Variants in SPEN observed in about 807,000 individuals in gnomAD.
The protein encoded by SPEN is msx2-interacting protein.
SPEN carries 18 observed loss-of-function variants against 269.9 expected under a neutral mutation model. The ratio of observed to expected loss-of-function variants is 0.07; its 90% confidence interval spans 0.05 to 0.10. The LOEUF (loss-of-function observed/expected upper bound fraction) is 0.10, where lower values mean the gene tolerates loss of function less well. Ranked by LOEUF, SPEN falls within the 10% of genes least tolerant of loss-of-function variation. The pLI is 1.00. For missense variants in SPEN, 3,822 were observed against 4,631.2 expected, an observed-to-expected ratio of 0.83 and a Z score of 5.07; for synonymous variants, 1,726 against 1,765.7, an observed-to-expected ratio of 0.98 and a Z score of 0.56.
At position 15,935,147 on chromosome 1, in the gene SPEN, G is replaced by GACCA. The variant is rs1257235190; in HGVS notation, c.8909_8912dup (p.Lys2971AsnfsTer214). 1 of 1,613,912 alleles carries GACCA rather than the reference G, an allele frequency of 6.2e-7. No individual in the cohort carries two copies. The highest frequency in any genetic ancestry group is 1.7e-5 in the Admixed American group (1 of 60,004). On this transcript the variant is annotated frameshift_variant, in exon 11 of 15. Transcript: ENST00000375759. LOFTEE classifies it high-confidence loss of function. This position sits in a 1 kb window ranked among gnomAD's most constrained non-coding sequence, Gnocchi z 7.7. Reference sequence around the variant, plus strand: ...CTGACCCCGTCACCCTTAAAATCGAGACCAAGGTCCTTCAGCCGGCCAACC... The same window carrying GACCA: ...CTGACCCCGTCACCCTTAAAATCGAGACCAACCAAGGTCCTTCAGCCGGCCAACC...
chr1:15,872,918 T>G lies in SPEN; in HGVS notation c.186T>G (p.Ala62=). 6.2e-7 allele frequency: 1 copy of G among 1,604,350 alleles called. No individual in the cohort carries two copies. The change falls in exon 2 of 15, where the codon GCT becomes GCG. Residue 62 remains alanine (A), a synonymous_variant. Coordinates refer to ENST00000375759, the MANE Select transcript of SPEN (RefSeq NM_015001.3). ...TGGACATCAAAAGTGCACAGAAAGC[T>G]CACAACTCGGTCAACAAAATGGGTG... ...DFVDIKSAQK[A]HNSVNKMGDR... is the part of the protein sequence containing the mutation.
intron 2 of SPEN, among the ~76,000 whole-genome samples, chr1:15,875,765 G>A (rs1324100515): frequency 6.6e-6 from 1 of 152,160 alleles, no homozygotes; most frequent in African/African-American, 2.4e-5. Flanking sequence ...TCATGTCTAA[G>A]TTAAAACATA....
intron 3 of SPEN, among the ~76,000 whole-genome samples, chr1:15,889,155 T>C (rs1183391933): frequency 9.1e-6 from 1 of 109,606 alleles, no homozygotes; most frequent in East Asian, 2.1e-4. Context: ...TCTTTCTTTC[T>C]TTTCTTTTCT....
Position 15,848,190 on chromosome 1 carries a change from G to T in SPEN, c.83+40G>T. ...GCCCGCGGCCGCGCTCGCTCCTCGGGCGCCGCTTCCCGCCCCGGCCCGTTG... is the reference window on the plus strand; with the variant it reads ...GCCCGCGGCCGCGCTCGCTCCTCGGTCGCCGCTTCCCGCCCCGGCCCGTTG... On this transcript the variant is annotated intron_variant, in intron 1 of 14. Transcript: ENST00000375759. The surrounding 1 kb of genome is among the most constrained non-coding windows in gnomAD (Gnocchi z 5.1). 7.2e-7 allele frequency: 1 copy of T among 1,392,938 alleles called. No homozygotes were observed. Among genetic ancestry groups the T allele is most frequent in the South Asian group, 1.4e-5 (1 of 72,202 alleles). 86.3% of individuals were successfully genotyped at this position (1,392,938 alleles called of 1,614,324 possible). A position where few individuals can be genotyped will look rare whatever the true frequency, so the allele number is the denominator to read the frequency against.
rs58417701 is a variant in SPEN, at chr1:15,883,516, G to A, written c.881+6838G>A. 7.2e-3 allele frequency among the ~76,000 whole-genome samples: 1,089 copies of A among 151,774 alleles called. 24 individuals are homozygous for A. The highest frequency in any genetic ancestry group is 0.025 in the African/African-American group (1,033 of 41,352). ...GCCTCACTGCAACCTCCACCTCCCG[G>A]GTGGAGCAACTCTCACGCCTCAGCC... On this transcript the variant is annotated intron_variant, in intron 3 of 14. Transcript: ENST00000375759.
intron 3 of SPEN, among the ~76,000 whole-genome samples, chr1:15,899,507 T>C (rs1355646139): frequency 1.4e-5 from 2 of 147,798 alleles, no homozygotes; most frequent in Non-Finnish European, 3.0e-5. Context: ...GCCATCCTAG[T>C]GGGTGTGAAG....
rs570554300 is a variant in SPEN, at chr1:15,932,306, C to T, written c.6066C>T (p.Gly2022=). Residue 2022 remains glycine, a synonymous_variant, in exon 11 of 15, where the codon GGC becomes GGT. Transcript: ENST00000375759. This position sits in a 1 kb window ranked among gnomAD's most constrained non-coding sequence, Gnocchi z 4.2. ...EATTEVGPQI[G]VKESSMEPKA... ...CCACTGAGGTGGGCCCCCAAATAGG[C>T]GTGAAAGAGAGCTCCATGGAACCCA... 34 of 1,609,134 alleles carry T rather than the reference C, an allele frequency of 2.1e-5. No individual in the cohort carries two copies. The highest frequency in any genetic ancestry group is 1.1e-4 in the South Asian group (10 of 90,208).
At chr1:15,884,563 G>A (rs2070718847) in intron 3 of SPEN, among the ~76,000 whole-genome samples, 3 of 152,090 alleles carry the variant, frequency 2.0e-5, no homozygotes, top group African/African-American at 4.8e-5. Flanking sequence ...AAACAGGTAT[G>A]TGCATTCAGG....
intron 3 of SPEN, among the ~76,000 whole-genome samples, chr1:15,900,780 T>C (rs1570025031): frequency 6.6e-6 from 1 of 152,196 alleles, no homozygotes; most frequent in East Asian, 1.9e-4. Flanking sequence ...CCAGGGTTTC[T>C]CAGTCTTGGC....
At position 15,918,987 on chromosome 1, in the gene SPEN, T is replaced by C. The variant is rs1285314230; in HGVS notation, c.1457T>C (p.Ile486Thr). 3 of 1,610,952 alleles carry C rather than the reference T, an allele frequency of 1.9e-6. No individual in the cohort carries two copies. The highest frequency in any genetic ancestry group is 2.5e-6 in the Non-Finnish European group (3 of 1,177,796). The change falls in exon 7 of 15, where the codon ATT becomes ACT. Residue 486 changes from isoleucine to threonine, a missense_variant. Physicochemically the swap from Ile to Thr is moderately conservative, Grantham distance 89. This residue lies in a region of SPEN where 230 missense variants were observed against 426.1 expected (regional missense o/e 0.54). Transcript: ENST00000375759. ...PQYAFLQYCDIASVCKAIKKM... is the reference protein window; with the variant it reads ...PQYAFLQYCDTASVCKAIKKM... ...TATGCGTTTCTGCAATACTGTGATA[T>C]TGCTAGCGTTTGTAAAGCTATTAAG...
rs1409189895 is a variant in SPEN at position 15,930,586 on chromosome 1, A to C, written c.4346A>C (p.Glu1449Ala). Residue 1449 changes from glutamate (E) to alanine (A), a missense_variant, in exon 11 of 15, where the codon GAA becomes GCA. Coordinates refer to ENST00000375759, the MANE Select transcript of SPEN (RefSeq NM_015001.3). The surrounding 1 kb of genome is among the most constrained non-coding windows in gnomAD (Gnocchi z 5.3). ...ACACCAGACACTAAAGCTTTGCTTGAAAGAGCTAAATCCCTCTCTTCATCT... is the reference window on the plus strand; with the variant it reads ...ACACCAGACACTAAAGCTTTGCTTGCAAGAGCTAAATCCCTCTCTTCATCT... ...TITPDTKALL[E>A]RAKSLSSSRE... 1 of 1,614,114 alleles carries C rather than the reference A, an allele frequency of 6.2e-7. No individual in the cohort carries two copies. The highest frequency in any genetic ancestry group is 1.1e-5 in the South Asian group (1 of 91,072).
In SPEN at chr1:15,934,842, T is replaced by C. The variant is rs1209175392; in HGVS notation, c.8602T>C (p.Ser2868Pro). ...PDSVTASQPPSKGPQAPAGYA... is the reference protein window; with the variant it reads ...PDSVTASQPPPKGPQAPAGYA... Reference sequence around the variant, plus strand: ...TTCTGTCACAGCATCGCAGCCTCCATCCAAAGGCCCTCAAGCTCCTGCAGG... The same window carrying C: ...TTCTGTCACAGCATCGCAGCCTCCACCCAAAGGCCCTCAAGCTCCTGCAGG... The change falls in exon 11 of 15, where the codon TCC (serine) becomes CCC (proline). Residue 2868 changes from serine (S) to proline (P), a missense_variant. By Grantham distance (74) the Ser-to-Pro change is moderately conservative (BLOSUM62 -1). This residue lies in a region of SPEN where 329 missense variants were observed against 431.2 expected (regional missense o/e 0.76). Coordinates refer to ENST00000375759, the MANE Select transcript of SPEN (RefSeq NM_015001.3). The surrounding 1 kb of genome is among the most constrained non-coding windows in gnomAD (Gnocchi z 9.2). The C allele has an allele frequency of 8.7e-6, 14 of 1,614,132 alleles. No homozygotes were observed. Among genetic ancestry groups the C allele is most frequent in the Non-Finnish European group, 1.1e-5 (13 of 1,180,016 alleles).
rs71003211 is a variant in SPEN at position 15,864,167 on chromosome 1, C to CTT, written c.84-8631_84-8630dup. On this transcript the variant is annotated intron_variant, in intron 1 of 14. Transcript: ENST00000375759. ...AAGACAGCAAGTAGAATAGTGGTTG[C>CTT]TTTTTTTTTTTTTTTTTTTGAAACA... Among the ~76,000 whole-genome samples the CTT allele has an allele frequency of 1.3e-4, 20 of 148,704 alleles. 1 individual carries two copies. The highest frequency in any genetic ancestry group is 4.7e-4 in the African/African-American group (19 of 40,382).
chr1:15,850,868 C>G (rs1471617488), intron 1 of SPEN, among the ~76,000 whole-genome samples: 1 of 152,172 alleles, frequency 6.6e-6, no homozygotes, highest in Non-Finnish European at 1.5e-5. Flanking sequence ...TATATTAAAA[C>G]TGAACTTTAA....
At chr1:15,887,980 AT>A (rs2070752625) in intron 3 of SPEN, among the ~76,000 whole-genome samples, 1 of 151,726 alleles carries the variant, frequency 6.6e-6, no homozygotes. Context: ...GTGAGCCAAG[AT>A]TGCACCACTG....
chr1:15,864,117 C>T (rs2070474036), intron 1 of SPEN, among the ~76,000 whole-genome samples: 1 of 151,628 alleles, frequency 6.6e-6, no homozygotes, highest in South Asian at 2.1e-4. Flanking sequence ...ATATGAGGTA[C>T]CTAGCTACGG....
chr1:15,900,518 T>C (rs1039263305), intron 3 of SPEN, among the ~76,000 whole-genome samples: 4 of 152,208 alleles, frequency 2.6e-5, no homozygotes, highest in African/African-American at 9.6e-5. Flanking sequence ...AAAAGTTGTT[T>C]ATACTTTACC....
chr1:15,886,923 G>A (rs947177175), intron 3 of SPEN, among the ~76,000 whole-genome samples: 1 of 152,166 alleles, frequency 6.6e-6, no homozygotes, highest in East Asian at 1.9e-4. Flanking sequence ...AATAGGTTTT[G>A]GTGGCAAAGT....
intron 2 of SPEN, chr1:15,874,163 TG>T (rs1378611427): frequency 7.3e-7 from 1 of 1,366,424 alleles, no homozygotes; most frequent in Non-Finnish European, 9.8e-7. Flanking sequence ...GAAAGAAGTC[TG>T]GGGGTTTGAG....
Sources: allele counts gnomAD v4.1 joint callset (sites outside exome capture counted in the v4.1 genomes callset), GRCh38; gene constraint gnomAD v4.1.1; regional missense constraint gnomAD v4.1.1; non-coding constraint Gnocchi (gnomAD v3.1); transcripts MANE v1.5; gene names NCBI Gene and HGNC (gene_info 2026-07-23, HGNC 2026-07-21).